LYPLAL1: variants seen among roughly 807,000 people sequenced by gnomAD.
LYPLAL1 encodes lysophospholipase like 1.
A neutral mutation model predicts 19.7 loss-of-function variants in LYPLAL1; 23 were observed. That is an observed-to-expected ratio of 1.17 (90% CI 0.84 to 1.65). LYPLAL1 has a LOEUF of 1.65. Ranked by LOEUF, LYPLAL1 falls within the 40% of genes most tolerant of loss-of-function variation. The pLI is 0.00. For missense variants in LYPLAL1, 355 were observed against 279.4 expected (o/e 1.27, Z -1.93); for synonymous variants, 119 against 96.3 (o/e 1.24, Z -1.38).
chr1:219,249,359 C>T, the LYPLAL1 span, among the ~76,000 whole-genome samples: 1 of 151,994 alleles, frequency 6.6e-6, no homozygotes, highest in South Asian at 2.1e-4. Flanking sequence ...TTTAAAGATT[C>T]ATTCATAATA....
At chr1:219,231,757 C>G in the LYPLAL1 span, among the ~76,000 whole-genome samples, 1 of 152,182 alleles carries the variant, frequency 6.6e-6, no homozygotes, top group Non-Finnish European at 1.5e-5. Flanking sequence ...AGACCGTCTG[C>G]CATGCTTTGA....
the LYPLAL1 span, among the ~76,000 whole-genome samples, chr1:219,400,909 A>T: frequency 1.3e-5 from 2 of 152,220 alleles, no homozygotes; most frequent in Non-Finnish European, 2.9e-5. Context: ...CTACTGCAAA[A>T]CACACCATCT....
chr1:219,247,149 A>C, the LYPLAL1 span, among the ~76,000 whole-genome samples: 2 of 152,244 alleles, frequency 1.3e-5, no homozygotes, highest in South Asian at 4.1e-4. Flanking sequence ...ATTCTTTGTT[A>C]GCAATTATAA....
At chr1:219,402,631 C>A in the LYPLAL1 span, among the ~76,000 whole-genome samples, 1 of 144,006 alleles carries the variant, frequency 6.9e-6, no homozygotes, top group Non-Finnish European at 1.5e-5. Flanking sequence ...AAAGGAAAAC[C>A]CTACCAGAAA....
chr1:219,301,125 A>G, the LYPLAL1 span, among the ~76,000 whole-genome samples: 7 of 152,208 alleles, frequency 4.6e-5, no homozygotes, highest in African/African-American at 1.4e-4. Flanking sequence ...TGTCTTTTCA[A>G]TAACGATTCA....
chr1:219,414,578 A>C, the LYPLAL1 span, among the ~76,000 whole-genome samples: 4 of 152,180 alleles, frequency 2.6e-5, no homozygotes, highest in African/African-American at 9.6e-5. Context: ...AGTGGAAGTA[A>C]ATTTTGCTTT....
chr1:219,441,347 G>A, the LYPLAL1 span, among the ~76,000 whole-genome samples: 2 of 152,124 alleles, frequency 1.3e-5, no homozygotes, highest in Non-Finnish European at 2.9e-5. Flanking sequence ...CTATTTTAGA[G>A]ATAAAGAATT....
At chr1:219,318,117 G>T in the LYPLAL1 span, among the ~76,000 whole-genome samples, 1 of 152,050 alleles carries the variant, frequency 6.6e-6, no homozygotes, top group Admixed American at 6.6e-5. Flanking sequence ...ACTGAATGTT[G>T]GGCTAATCTA....
chr1:219,233,066 C>T, the LYPLAL1 span, among the ~76,000 whole-genome samples: 1 of 152,124 alleles, frequency 6.6e-6, no homozygotes, highest in South Asian at 2.1e-4. Context: ...CAGGGTACAC[C>T]TATATTCACA....
the LYPLAL1 span, among the ~76,000 whole-genome samples, chr1:219,380,531 C>A: frequency 1.3e-5 from 2 of 152,194 alleles, no homozygotes; most frequent in South Asian, 4.1e-4. Flanking sequence ...GTGCTGGATT[C>A]GAAGCTGTCA....
the LYPLAL1 span, among the ~76,000 whole-genome samples, chr1:219,251,635 G>A: frequency 6.6e-6 from 1 of 151,638 alleles, no homozygotes; most frequent in African/African-American, 2.4e-5. Context: ...TCATTGGCCT[G>A]TGTGCCTCTT....
At chr1:219,230,122 C>T in the LYPLAL1 span, among the ~76,000 whole-genome samples, 1 of 151,826 alleles carries the variant, frequency 6.6e-6, no homozygotes, top group Non-Finnish European at 1.5e-5. Context: ...GTAGGCTTAT[C>T]TTTTTTTTGA....
chr1:219,311,256 A>G, the LYPLAL1 span, among the ~76,000 whole-genome samples: 1 of 152,196 alleles, frequency 6.6e-6, no homozygotes, highest in African/African-American at 2.4e-5. Context: ...ATGTTCTTGA[A>G]GTTTAAAAAT....
chr1:219,361,163 G>T, the LYPLAL1 span, among the ~76,000 whole-genome samples: 1 of 152,184 alleles, frequency 6.6e-6, no homozygotes, highest in Non-Finnish European at 1.5e-5. Context: ...CAAAAAGTCT[G>T]TTTTGCACAG....
At chr1:219,219,781 G>C in the LYPLAL1 span, among the ~76,000 whole-genome samples, 1 of 152,132 alleles carries the variant, frequency 6.6e-6, no homozygotes, top group East Asian at 1.9e-4. Context: ...TGGTACAGGA[G>C]CTGGGGCTCT....
chr1:219,281,401 A>G, the LYPLAL1 span, among the ~76,000 whole-genome samples: 1 of 152,250 alleles, frequency 6.6e-6, no homozygotes, highest in East Asian at 1.9e-4. Context: ...AAATGAAAAT[A>G]GGTAAAAATC....
At chr1:219,445,186 T>G in the LYPLAL1 span, among the ~76,000 whole-genome samples, 1 of 152,114 alleles carries the variant, frequency 6.6e-6, no homozygotes, top group Non-Finnish European at 1.5e-5. Context: ...TAATTTTTTT[T>G]TAATAATAAG....
chr1:219,378,216 T>C, the LYPLAL1 span, among the ~76,000 whole-genome samples: 16 of 152,294 alleles, frequency 1.1e-4, no homozygotes, highest in Admixed American at 2.6e-4. Context: ...ACAGGGGAAT[T>C]CATAAAGGGA....
chr1:219,329,562 C>T, the LYPLAL1 span, among the ~76,000 whole-genome samples: 1 of 152,116 alleles, frequency 6.6e-6, no homozygotes, highest in Non-Finnish European at 1.5e-5. Context: ...GTAAATGAAG[C>T]ATTCTAAATA....
Sources: gnomAD v4.1 joint callset for allele counts (sites outside exome capture counted in the v4.1 genomes callset) on GRCh38, gnomAD v4.1.1 for gene constraint, MANE v1.5 for transcripts, NCBI Gene and HGNC (gene_info 2026-07-23, HGNC 2026-07-21) for gene names.